ACOX1: variants seen among roughly 807,000 people sequenced by gnomAD.
ACOX1 encodes the protein acyl-CoA oxidase 1.
A neutral mutation model predicts 75.5 loss-of-function variants in ACOX1; 41 were observed. The ratio of observed to expected loss-of-function variants is 0.54; its 90% CI spans 0.42 to 0.70. The LOEUF (loss-of-function observed/expected upper bound fraction) is 0.70. Among genes scored for constraint, ACOX1 ranks in the 30% least tolerant of loss-of-function variants. ACOX1 has a pLI of 0.00. For missense variants in ACOX1, 630 were observed against 837.5 expected (o/e 0.75, Z 3.06); for synonymous variants, 303 against 298.8 (o/e 1.01, Z -0.15).
chr17:75,974,076 A>G (rs1179509689), intron 2 of ACOX1, among the ~76,000 whole-genome samples: 1 of 151,754 alleles, frequency 6.6e-6, no homozygotes, highest in Non-Finnish European at 1.5e-5. Flanking sequence ...AAACTTCTCT[A>G]ATTTTTGGAA....
chr17:75,967,017 A>C (rs1324553216), intron 2 of ACOX1, among the ~76,000 whole-genome samples: 1 of 151,948 alleles, frequency 6.6e-6, no homozygotes, highest in Non-Finnish European at 1.5e-5. Context: ...AAGCTGCGCC[A>C]CTGCACCCCA....
At chr17:75,968,604 T>TC (rs2065963455) in intron 2 of ACOX1, among the ~76,000 whole-genome samples, 1 of 57,924 alleles carries the variant, frequency 1.7e-5, no homozygotes, top group African/African-American at 1.6e-4. Flanking sequence ...AGACTCCGCC[T>TC]GAAAAAAAAA....
At chr17:75,970,122 G>A (rs1458083382) in intron 2 of ACOX1, among the ~76,000 whole-genome samples, 1 of 145,364 alleles carries the variant, frequency 6.9e-6, no homozygotes, top group Admixed American at 7.0e-5. Flanking sequence ...GGGAGGTGGA[G>A]GTTGCAGTGA....
chr17:75,948,179 T>C, intron 13 of ACOX1, 72 bp downstream of exon 13: 2 of 1,501,142 alleles, frequency 1.3e-6, no homozygotes, highest in Non-Finnish European at 1.9e-6. Flanking sequence ...ATAAATCCCC[T>C]TCGAGAGGCC....
intron 2 of ACOX1, among the ~76,000 whole-genome samples, chr17:75,974,024 C>T (rs1478716076): frequency 6.6e-6 from 1 of 152,168 alleles, no homozygotes; most frequent in African/African-American, 2.4e-5. Context: ...TTCGTATTTA[C>T]ATTTAATCCA....
chr17:75,959,383 T>A (rs926835265), intron 3 of ACOX1, among the ~76,000 whole-genome samples: 1 of 152,196 alleles, frequency 6.6e-6, no homozygotes, highest in Admixed American at 6.5e-5. Flanking sequence ...TGGAGTCTCA[T>A]GAAAATCCTG....
At chr17:75,957,008 T>TATATATAC (rs1555617568) in intron 4 of ACOX1, among the ~76,000 whole-genome samples, 22 of 110,172 alleles carry the variant, frequency 2.0e-4, no homozygotes, top group African/African-American at 7.1e-4. Flanking sequence ...TATATATATA[T>TATATATAC]ACACACACAC....
At chr17:75,959,501 A>C (rs903763637) in intron 3 of ACOX1, among the ~76,000 whole-genome samples, 2 of 152,214 alleles carry the variant, frequency 1.3e-5, no homozygotes, top group Non-Finnish European at 2.9e-5. Context: ...GCAGAAAAAG[A>C]GAAGCCATAA....
intron 6 of ACOX1, 21 bp from the exon 7 acceptor site, chr17:75,953,641 TG>T: frequency 6.2e-7 from 1 of 1,613,614 alleles, no homozygotes; most frequent in Non-Finnish European, 8.5e-7. Flanking sequence ...AACGTGGAAC[TG>T]ATACTTCCTT....
In ACOX1 at chr17:75,943,293, C is replaced by T. The variant is rs2065690538; in HGVS notation, c.*3455G>A. The T allele has an allele frequency of 6.6e-6, 1 of 151,810 alleles. No homozygotes were observed. The highest frequency in any genetic ancestry group is 6.6e-5 in the Admixed American group (1 of 15,208). The allele number at this position is 151,810 out of a possible 1,614,324, so 9.4% of individuals were successfully genotyped here. A position where few individuals can be genotyped will look rare whatever the true frequency, so the allele number is the denominator to read the frequency against. On this transcript the variant is annotated 3_prime_UTR_variant, in exon 14 of 14. Coordinates refer to ENST00000293217, the MANE Select transcript of ACOX1 (RefSeq NM_004035.7). ...CTGTAATCCCAACCCTTTGGGAGGCCTGAGGTGGGAGGGTCACCTGAGGCT... is the reference window on the plus strand; with the variant it reads ...CTGTAATCCCAACCCTTTGGGAGGCTTGAGGTGGGAGGGTCACCTGAGGCT...
chr17:75,960,218 G>T lies in ACOX1; in HGVS notation c.427C>A (p.His143Asn). 1 of 1,614,040 alleles carries T rather than the reference G, an allele frequency of 6.2e-7. No homozygotes were observed. The highest frequency in any genetic ancestry group is 1.1e-5 in the South Asian group (1 of 91,048). ...AGGTAGACTGAATACTCCATACCATGACCCATCTCTGTCTGGGCATAAGTG... is the reference window on the plus strand; with the variant it reads ...AGGTAGACTGAATACTCCATACCATTACCCATCTCTGTCTGGGCATAAGTG... Reference protein sequence around the residue: ...IGTYAQTEMGHGTHLRGLETT... With the variant: ...IGTYAQTEMGNGTHLRGLETT... The change falls in exon 3 of 14, where the codon CAT becomes AAT. Residue 143 changes from histidine to asparagine, a missense_variant. By Grantham distance (68) the His-to-Asn change is moderately conservative. Around this residue, in one of 2 missense-constraint regions of ACOX1, gnomAD observed 390 missense variants for 574.9 expected, o/e 0.68. Coordinates refer to ENST00000293217, the MANE Select transcript of ACOX1 (RefSeq NM_004035.7). This position sits in a 1 kb window ranked among gnomAD's most constrained non-coding sequence, Gnocchi z 4.4.
At chr17:75,948,180 T>C (rs2065738957) in intron 13 of ACOX1, 71 bp downstream of exon 13, 3 of 1,503,872 alleles carry the variant, frequency 2.0e-6, no homozygotes, top group Admixed American at 1.7e-5. Flanking sequence ...TAAATCCCCT[T>C]CGAGAGGCCT....
In ACOX1 at chr17:75,979,009, ATGTG is replaced by A; in HGVS notation, c.61_64del (p.His21SerfsTer18). The A allele has an allele frequency of 2.5e-6, 4 of 1,611,822 alleles. No individual in the cohort carries two copies. Among genetic ancestry groups the A allele is most frequent in the Non-Finnish European group, 3.4e-6 (4 of 1,179,932 alleles). On this transcript the variant is annotated frameshift_variant, in exon 1 of 14. Coordinates refer to ENST00000293217, the MANE Select transcript of ACOX1 (RefSeq NM_004035.7). LOFTEE classifies it high-confidence loss of function. ...GGTTTTCTCGGGGCTGCCGTCCAGG[ATGTG>A]TGTAAGCAGCTCCGGGTTGAAGCTG... is the stretch of plus-strand genomic sequence containing the variant.
chr17:75,955,352 T>C (rs1297204133), intron 6 of ACOX1, among the ~76,000 whole-genome samples: 1 of 151,930 alleles, frequency 6.6e-6, no homozygotes, highest in African/African-American at 2.4e-5. Context: ...TTTGTAGAGA[T>C]GGGTTCTCAC....
rs1011964212 is a variant in ACOX1 at position 75,950,327 on chromosome 17, C to T, written c.1299-430G>A. Among the ~76,000 whole-genome samples the T allele has an allele frequency of 6.6e-6, 1 of 151,754 alleles. No individual in the cohort carries two copies. Among genetic ancestry groups the T allele is most frequent in the African/African-American group, 2.4e-5 (1 of 41,234 alleles). On this transcript the variant is annotated intron_variant, in intron 9 of 13. Coordinates refer to ENST00000293217, the MANE Select transcript of ACOX1 (RefSeq NM_004035.7). This position sits in a 1 kb window ranked among gnomAD's most constrained non-coding sequence, Gnocchi z 4.3. The stretch of plus-strand genomic sequence containing the variant: ...ATAGCGCAATCTTGGCTCACTGCAA[C>T]CTCCGCTTCCCAGGTTCAAGCGATT...
intron 2 of ACOX1, among the ~76,000 whole-genome samples, chr17:75,967,597 G>A (rs181528986): frequency 2.5e-4 from 35 of 140,248 alleles, no homozygotes; most frequent in Admixed American, 1.3e-3. Context: ...TTAAAAAATC[G>A]AAATATATAT....
chr17:75,975,943 A>G lies in ACOX1; in HGVS notation c.269+2591T>C, dbSNP rs543516835. On this transcript the variant is annotated intron_variant, in intron 2 of 13. Coordinates refer to ENST00000293217, the MANE Select transcript of ACOX1 (RefSeq NM_004035.7). ...AGAAAAAGAAAGGAAAAGAAAGAAA[A>G]GAAAAGAAAGAAAGAAAGAAAAGAA... 3.5e-5 allele frequency among the ~76,000 whole-genome samples: 5 copies of G among 142,004 alleles called. No homozygotes were observed. The South Asian group carries it at 1.1e-3, about 31-fold the overall frequency. 93.2% of individuals were successfully genotyped at this position (142,004 alleles called of 152,430 possible).
chr17:75,947,684 A>G (rs1451553124), intron 13 of ACOX1, among the ~76,000 whole-genome samples: 1 of 139,864 alleles, frequency 7.1e-6, no homozygotes, highest in African/African-American at 2.8e-5. Flanking sequence ...ATTTTATTCT[A>G]TTTGTGTGTG....
intron 4 of ACOX1, 143 bp from the exon 5 acceptor site, chr17:75,956,090 T>G: frequency 9.4e-7 from 1 of 1,058,804 alleles, no homozygotes; most frequent in Non-Finnish European, 1.4e-6. Context: ...GCTGACAGCA[T>G]CACACCTAGC....
Sources: gnomAD v4.1 joint callset for allele counts (sites outside exome capture counted in the v4.1 genomes callset) on GRCh38, gnomAD v4.1.1 for gene constraint, gnomAD v4.1.1 regional missense constraint, Gnocchi (gnomAD v3.1) non-coding constraint, MANE v1.5 for transcripts, NCBI Gene and HGNC (gene_info 2026-07-23, HGNC 2026-07-21) for gene names.